The following SPON1 variants were observed in gnomAD, a reference collection of about 807,000 sequenced individuals.
SPON1 encodes spondin-1.
Under a neutral mutation model 111.7 loss-of-function variants are expected in SPON1, and 52 were observed. That is an observed-to-expected ratio of 0.47 (90% CI 0.37 to 0.59). The LOEUF (loss-of-function observed/expected upper bound fraction) is 0.59. SPON1 is among the 20% of genes least tolerant of loss of function. The probability of loss-of-function intolerance (pLI) is 0.00; values close to 1 mark genes in which losing one functional copy is unlikely to be tolerated. For missense variants in SPON1, 957 were observed against 1,068.5 expected (o/e 0.90, Z 1.46); for synonymous variants, 410 against 395.8 (o/e 1.04, Z -0.43).
At chr11:14,230,086 G>A (rs1848781941) in intron 6 of SPON1, among the ~76,000 whole-genome samples, 1 of 152,040 alleles carries the variant, frequency 6.6e-6, no homozygotes, top group Middle Eastern at 3.4e-3. Flanking sequence ...AAATATGTGG[G>A]GTACTCGAGA....
At position 14,160,687 on chromosome 11, in the gene SPON1, A is replaced by T. The variant is rs868939289; in HGVS notation, c.825+25119A>T. ...TATATATTTACATATATTTATATAT[A>T]TATTTATATATTTATATATATTTAT... On this transcript the variant is annotated intron_variant, in intron 6 of 15. Transcript: ENST00000576479. 3.7e-4 allele frequency among the ~76,000 whole-genome samples: 5 copies of T among 13,450 alleles called. No individual in the cohort carries two copies. The African/African-American group carries it at 3.8e-3, about 10-fold the overall frequency. 8.8% of individuals were successfully genotyped at this position (13,450 alleles called of 152,430 possible). A position where few individuals can be genotyped will look rare whatever the true frequency, so the allele number is the denominator to read the frequency against.
chr11:14,222,302 A>G (rs1554937675), intron 6 of SPON1, among the ~76,000 whole-genome samples: 1 of 152,252 alleles, frequency 6.6e-6, no homozygotes. Context: ...GAGGCGTCAC[A>G]TGACAGGGGA....
chr11:14,128,823 A>G (rs1366673880), intron 5 of SPON1, among the ~76,000 whole-genome samples: 1 of 152,222 alleles, frequency 6.6e-6, no homozygotes, highest in Admixed American at 6.5e-5. Flanking sequence ...CCAAACCTCA[A>G]TTCTTGCCAT....
chr11:13,992,500 G>A (rs969591255), intron 2 of SPON1, among the ~76,000 whole-genome samples: 1 of 152,176 alleles, frequency 6.6e-6, no homozygotes, highest in Admixed American at 6.5e-5. Flanking sequence ...TGGGCTCCGT[G>A]GGGGTGGGAC....
At chr11:14,227,579 A>G (rs576655793) in intron 6 of SPON1, among the ~76,000 whole-genome samples, 12 of 152,352 alleles carry the variant, frequency 7.9e-5, no homozygotes, top group African/African-American at 2.9e-4. Flanking sequence ...AAGGGCTTAC[A>G]GAGAGGTGCA....
intron 6 of SPON1, among the ~76,000 whole-genome samples, chr11:14,169,464 T>C (rs1459623409): frequency 1.3e-5 from 2 of 152,004 alleles, no homozygotes; most frequent in African/African-American, 4.8e-5. Context: ...TTCACTCTGA[T>C]GGTAGTTTCT....
chr11:14,264,812 T>C (rs1849244359), intron 15 of SPON1, among the ~76,000 whole-genome samples: 1 of 152,136 alleles, frequency 6.6e-6, no homozygotes, highest in Admixed American at 6.5e-5. Flanking sequence ...ATCTCTGGGG[T>C]CAGGGAAGTT....
intron 2 of SPON1, among the ~76,000 whole-genome samples, chr11:14,010,747 T>C (rs1226732892): frequency 6.6e-6 from 1 of 152,204 alleles, no homozygotes; most frequent in Non-Finnish European, 1.5e-5. Flanking sequence ...GATCTTTCTT[T>C]TCTAGGTGCA....
At chr11:14,163,367 C>T (rs1554931575) in intron 6 of SPON1, among the ~76,000 whole-genome samples, 3 of 152,210 alleles carry the variant, frequency 2.0e-5, no homozygotes, top group Non-Finnish European at 2.9e-5. Flanking sequence ...GTGTACCACA[C>T]ACTAAGTGCA....
chr11:13,980,349 C>CT (rs1164579385), intron 1 of SPON1, among the ~76,000 whole-genome samples: 1 of 152,096 alleles, frequency 6.6e-6, no homozygotes, highest in Non-Finnish European at 1.5e-5. Flanking sequence ...CCCCTTCTTT[C>CT]TTTTTTTCTA....
Position 14,234,895 on chromosome 11 carries a change from T to G in SPON1, c.826-8437T>G, listed in dbSNP as rs77323712. On this transcript the variant is annotated intron_variant, in intron 6 of 15. Coordinates refer to ENST00000576479, the MANE Select transcript of SPON1 (RefSeq NM_006108.4). ...GATCTGCTAATGGGCTTCAGATACT[T>G]TCTCTTGCTCTAAAATAGTTGATCA... Among the ~76,000 whole-genome samples, 890 of 152,366 alleles carry G rather than the reference T, an allele frequency of 5.8e-3. 7 individuals carry two copies. Among genetic ancestry groups the G allele is most frequent in the African/African-American group, 0.02 (837 of 41,588 alleles).
At chr11:14,068,798 G>T (rs1848853058) in intron 3 of SPON1, among the ~76,000 whole-genome samples, 1 of 152,170 alleles carries the variant, frequency 6.6e-6, no homozygotes, top group Non-Finnish European at 1.5e-5. Flanking sequence ...TTGTTTGATT[G>T]GGATTCTAAC....
intron 6 of SPON1, among the ~76,000 whole-genome samples, chr11:14,141,552 AGG>A: frequency 6.6e-6 from 1 of 152,328 alleles, no homozygotes; most frequent in South Asian, 2.1e-4. Context: ...TTTCACCTTC[AGG>A]AGACCTTGTT....
At chr11:14,173,381 G>T (rs1192749152) in intron 6 of SPON1, among the ~76,000 whole-genome samples, 1 of 152,068 alleles carries the variant, frequency 6.6e-6, no homozygotes, top group African/African-American at 2.4e-5. Context: ...GGTTATTCTA[G>T]TTAGCCATTC....
At chr11:13,989,701 C>G in intron 2 of SPON1, among the ~76,000 whole-genome samples, 1 of 152,192 alleles carries the variant, frequency 6.6e-6, no homozygotes, top group Non-Finnish European at 1.5e-5. Flanking sequence ...AAATTTCCCT[C>G]TATACACTGC....
intron 6 of SPON1, among the ~76,000 whole-genome samples, chr11:14,167,093 C>T (rs541968698): frequency 4.9e-4 from 75 of 152,164 alleles, no homozygotes; most frequent in Middle Eastern, 6.8e-3. Flanking sequence ...AGGAGTTTTA[C>T]ATAATTTTGG....
chr11:14,223,865 G>A (rs1591417199), intron 6 of SPON1, among the ~76,000 whole-genome samples: 1 of 152,304 alleles, frequency 6.6e-6, no homozygotes, highest in Non-Finnish European at 1.5e-5. Context: ...AGAAAACACT[G>A]GGGGGTCCAG....
At chr11:13,969,808 T>G (rs1848048584) in intron 1 of SPON1, among the ~76,000 whole-genome samples, 1 of 152,204 alleles carries the variant, frequency 6.6e-6, no homozygotes, top group East Asian at 1.9e-4. Context: ...AGAAACGAAT[T>G]GGCATGTATC....
chr11:14,043,711 G>T (rs1554917569), intron 3 of SPON1, among the ~76,000 whole-genome samples: 3 of 152,132 alleles, frequency 2.0e-5, no homozygotes, highest in African/African-American at 7.2e-5. Flanking sequence ...CAGATCTCTG[G>T]TTTTCTTTGA....
Sources: gnomAD v4.1 joint callset for allele counts (sites outside exome capture counted in the v4.1 genomes callset) on GRCh38, gnomAD v4.1.1 for gene constraint, MANE v1.5 for transcripts, NCBI Gene and HGNC (gene_info 2026-07-23, HGNC 2026-07-21) for gene names.